The following HDAC9 variants were observed in gnomAD, a reference collection of about 807,000 sequenced individuals.
HDAC9 encodes the protein MEF-2 interacting transcription repressor (MITR) protein.
In HDAC9, 41 loss-of-function variants were observed where a neutral mutation model predicts 139.4. That is an observed-to-expected ratio of 0.29 (90% CI 0.23 to 0.38). The LOEUF is 0.38. HDAC9 is among the 10% of genes least tolerant of loss of function. The pLI is 1.00. For synonymous variants in HDAC9, 517 were observed against 476.2 expected (o/e 1.09, Z -1.12); for missense variants, 1,147 against 1,297.0 (o/e 0.88, Z 1.78).
intron 16 of HDAC9, among the ~76,000 whole-genome samples, chr7:18,783,122 T>C (rs930387652): frequency 2.6e-5 from 4 of 152,108 alleles, no homozygotes; most frequent in African/African-American, 9.7e-5. Context: ...GTACCAAATT[T>C]TGGTGTATGA....
At chr7:18,155,828 A>G (rs1387425154) in intron 1 of HDAC9, among the ~76,000 whole-genome samples, 1 of 152,146 alleles carries the variant, frequency 6.6e-6, no homozygotes, top group Non-Finnish European at 1.5e-5. Flanking sequence ...GTCCAGAATG[A>G]GCCAAAAGTA....
chr7:18,348,570 A>G (rs77168874), intron 1 of HDAC9, among the ~76,000 whole-genome samples: 3,318 of 152,226 alleles, frequency 0.022, 119 homozygotes, highest in African/African-American at 0.075. Context: ...TATTTTTACT[A>G]TACACCAAGA....
intron 6 of HDAC9, among the ~76,000 whole-genome samples, chr7:18,611,827 G>A (rs1837236970): frequency 6.6e-6 from 1 of 152,038 alleles, no homozygotes; most frequent in Non-Finnish European, 1.5e-5. Context: ...ATATGTTTGG[G>A]ATATTCTTTG....
chr7:18,303,304 G>A (rs931627424), intron 1 of HDAC9, among the ~76,000 whole-genome samples: 5 of 151,270 alleles, frequency 3.3e-5, no homozygotes, highest in Admixed American at 2.6e-4. Context: ...TGCAAGCTCC[G>A]CCTCCCGGGT....
At chr7:18,785,340 C>T (rs2078868) in intron 16 of HDAC9, among the ~76,000 whole-genome samples, 118,394 of 151,440 alleles carry the variant, frequency 0.78, 46,965 homozygotes, top group Non-Finnish European at 0.85. Context: ...AAAAAAAAAA[C>T]CATGCATCGT....
intron 6 of HDAC9, among the ~76,000 whole-genome samples, chr7:18,628,215 A>G (rs1280763047): frequency 6.6e-6 from 1 of 152,136 alleles, no homozygotes; most frequent in Non-Finnish European, 1.5e-5. Context: ...CATTTTCAGT[A>G]TTTAGAATAG....
chr7:18,391,425 T>C (rs1409843837), intron 1 of HDAC9, among the ~76,000 whole-genome samples: 1 of 151,848 alleles, frequency 6.6e-6, no homozygotes, highest in East Asian at 1.9e-4. Flanking sequence ...AGAGAGAACA[T>C]TGTGTCCTAC....
chr7:18,619,488 C>A (rs1839626987), intron 6 of HDAC9, among the ~76,000 whole-genome samples: 1 of 152,148 alleles, frequency 6.6e-6, no homozygotes, highest in Non-Finnish European at 1.5e-5. Flanking sequence ...AGGGCTGGAG[C>A]CATATTGCAG....
intron 2 of HDAC9, among the ~76,000 whole-genome samples, chr7:18,217,695 T>C (rs911723664): frequency 2.2e-4 from 33 of 152,234 alleles, no homozygotes; most frequent in African/African-American, 6.5e-4. Flanking sequence ...GCATTGACAA[T>C]GTCTAGTGTT....
intron 2 of HDAC9, among the ~76,000 whole-genome samples, chr7:18,284,611 T>G (rs1797316288): frequency 6.6e-6 from 1 of 152,186 alleles, no homozygotes; most frequent in Non-Finnish European, 1.5e-5. Context: ...TTCTGGTTCT[T>G]GATTTACCAA....
chr7:18,970,166 A>G (rs1784154024), intron 24 of HDAC9, among the ~76,000 whole-genome samples: 1 of 152,142 alleles, frequency 6.6e-6, no homozygotes, highest in Non-Finnish European at 1.5e-5. Flanking sequence ...AAGTATTTAG[A>G]CCCCGTTGAA....
rs1366716646 is a variant in HDAC9, at chr7:18,998,424, G to A, written c.*2362G>A. On this transcript the variant is annotated 3_prime_UTR_variant, in exon 26 of 26. Coordinates refer to ENST00000686413, the MANE Select transcript of HDAC9 (RefSeq NM_178425.4). ...GAGTTAATCACACATACTCCCATAT[G>A]ACACCATACCCAATTGGTTGCACTT... 6.6e-6 allele frequency: 1 copy of A among 152,142 alleles called. No individual in the cohort carries two copies. The highest frequency in any genetic ancestry group is 2.4e-5 in the African/African-American group (1 of 41,436). The allele number at this position is 152,142 out of a possible 1,614,324, so 9.4% of individuals were successfully genotyped here. A position where few individuals can be genotyped will look rare whatever the true frequency, so the allele number is the denominator to read the frequency against.
intron 2 of HDAC9, among the ~76,000 whole-genome samples, chr7:18,227,349 C>A (rs909663189): frequency 6.6e-6 from 1 of 152,064 alleles, no homozygotes; most frequent in Admixed American, 6.6e-5. Flanking sequence ...CTGTTTACTA[C>A]AAGATACTGT....
intron 22 of HDAC9, among the ~76,000 whole-genome samples, chr7:18,905,865 T>TC (rs1802191495): frequency 6.6e-6 from 1 of 151,622 alleles, no homozygotes; most frequent in Non-Finnish European, 1.5e-5. Flanking sequence ...TTTCTTTCTT[T>TC]CTTTCCTTTC....
At chr7:18,274,681 G>A (rs571518489) in intron 2 of HDAC9, among the ~76,000 whole-genome samples, 2 of 152,142 alleles carry the variant, frequency 1.3e-5, no homozygotes, top group Non-Finnish European at 2.9e-5. Context: ...ATATTATGTC[G>A]GTCTGAGAAA....
chr7:18,456,492 C>T (rs562705437), intron 1 of HDAC9, among the ~76,000 whole-genome samples: 2 of 152,270 alleles, frequency 1.3e-5, no homozygotes, highest in South Asian at 2.1e-4. Context: ...ACGTCGGCCT[C>T]CCAAAGTGCT....
At chr7:18,177,645 C>A (rs541006294) in intron 2 of HDAC9, among the ~76,000 whole-genome samples, 52 of 152,292 alleles carry the variant, frequency 3.4e-4, no homozygotes, top group Middle Eastern at 3.4e-3. Flanking sequence ...ACATTTGTTA[C>A]CTCTCTCAGT....
intron 2 of HDAC9, among the ~76,000 whole-genome samples, chr7:18,234,526 G>A (rs1025303563): frequency 1.3e-5 from 2 of 152,154 alleles, no homozygotes; most frequent in African/African-American, 2.4e-5. Flanking sequence ...CTCAGGCACT[G>A]AGTATTATAT....
At chr7:18,113,461 C>T (rs909019831) in intron 1 of HDAC9, among the ~76,000 whole-genome samples, 3 of 152,190 alleles carry the variant, frequency 2.0e-5, no homozygotes, top group South Asian at 2.1e-4. Context: ...TCCATGGACA[C>T]GGATTAAGTT....
Sources: gnomAD v4.1 joint callset for allele counts (sites outside exome capture counted in the v4.1 genomes callset) on GRCh38, gnomAD v4.1.1 for gene constraint, MANE v1.5 for transcripts, NCBI Gene and HGNC (gene_info 2026-07-23, HGNC 2026-07-21) for gene names.